CRACDL: variants seen among roughly 807,000 people sequenced by gnomAD.
CRACDL encodes CRACD like, also known as CRACD-like protein.
Under a neutral mutation model 70.6 loss-of-function variants are expected in CRACDL, and 26 were observed. That is an observed-to-expected ratio of 0.37 (90% confidence interval 0.27 to 0.51). The LOEUF (loss-of-function observed/expected upper bound fraction) is 0.51. Among genes scored for constraint, CRACDL ranks in the 20% least tolerant of loss-of-function variants. CRACDL has a pLI of 0.94. For synonymous variants in CRACDL, 618 were observed against 615.2 expected (o/e 1.00, Z -0.07); for missense variants, 1,283 against 1,376.9 (o/e 0.93, Z 1.08).
At chr2:98,864,129 A>G (rs1462416317) in intron 1 of CRACDL, among the ~76,000 whole-genome samples, 1 of 152,206 alleles carries the variant, frequency 6.6e-6, no homozygotes, top group Non-Finnish European at 1.5e-5. Flanking sequence ...AGCATTATTT[A>G]TATAATAATC....
chr2:98,826,086 C>T (rs1157181283), intron 6 of CRACDL, among the ~76,000 whole-genome samples: 2 of 152,156 alleles, frequency 1.3e-5, no homozygotes, highest in African/African-American at 2.4e-5. Flanking sequence ...TTACAGTGCC[C>T]GTCAGGTAGG....
intron 1 of CRACDL, among the ~76,000 whole-genome samples, chr2:98,927,232 C>T (rs527243412): frequency 3.3e-5 from 5 of 152,284 alleles, no homozygotes; most frequent in East Asian, 3.9e-4. Flanking sequence ...CTCCCTGGTG[C>T]GGGTGGACGG....
At chr2:98,869,245 C>G in intron 1 of CRACDL, 1 of 1,274,172 alleles carries the variant, frequency 7.8e-7, no homozygotes, top group Non-Finnish European at 1.0e-6. Context: ...TGATCAAGAG[C>G]CCTTGTCCCC....
chr2:98,822,581 G>C lies in CRACDL; in HGVS notation c.1692C>G (p.Gly564=), dbSNP rs771962678. 1.4e-6 allele frequency: 2 copies of C among 1,445,518 alleles called. No homozygotes were observed. Among genetic ancestry groups the C allele is most frequent in the Admixed American group, 2.7e-5 (1 of 37,656 alleles). The allele number at this position is 1,445,518 out of a possible 1,614,324, so 89.5% of individuals were successfully genotyped here. A position where few individuals can be genotyped will look rare whatever the true frequency, so the allele number is the denominator to read the frequency against. ...TCTTCGCGCCTCGCAGCTCGGCACC[G>C]CCCCTCTCCGCCTTCCGCTCTGGCG... ...RAAPERKAER[G]GAELRGAKKF... Residue 564 remains glycine, a synonymous_variant, in exon 7 of 10, where the codon GGC becomes GGG. Coordinates refer to ENST00000397899, the MANE Select transcript of CRACDL (RefSeq NM_207362.3). The surrounding 1 kb of genome is among the most constrained non-coding windows in gnomAD (Gnocchi z 4.9).
intron 7 of CRACDL, among the ~76,000 whole-genome samples, chr2:98,805,662 A>G (rs1470676555): frequency 1.3e-5 from 2 of 152,062 alleles, no homozygotes; most frequent in African/African-American, 4.8e-5. Context: ...ACACAGACTC[A>G]CTTTGCAGCC....
At chr2:98,934,287 G>A (rs781707525) in intron 1 of CRACDL, among the ~76,000 whole-genome samples, 38 of 145,338 alleles carry the variant, frequency 2.6e-4, no homozygotes, top group Admixed American at 8.0e-4. Flanking sequence ...CAACCTCTAC[G>A]TCCCTGGTTC....
At chr2:98,867,330 A>G (rs1707185791) in intron 1 of CRACDL, among the ~76,000 whole-genome samples, 1 of 152,200 alleles carries the variant, frequency 6.6e-6, no homozygotes, top group Admixed American at 6.5e-5. Context: ...ACAGCTATCC[A>G]ACACAGTGTA....
At chr2:98,848,676 T>G (rs750418175) in intron 1 of CRACDL, among the ~76,000 whole-genome samples, 1 of 152,206 alleles carries the variant, frequency 6.6e-6, no homozygotes, top group African/African-American at 2.4e-5. Context: ...CTCAACCTCC[T>G]GGGCTCAAGA....
At chr2:98,878,180 T>C (rs1707539332) in intron 1 of CRACDL, among the ~76,000 whole-genome samples, 1 of 152,144 alleles carries the variant, frequency 6.6e-6, no homozygotes, top group Non-Finnish European at 1.5e-5. Flanking sequence ...CTCCTGACCT[T>C]GGGTGATCCA....
chr2:98,922,778 A>G (rs1346770176), intron 1 of CRACDL, among the ~76,000 whole-genome samples: 1 of 152,210 alleles, frequency 6.6e-6, no homozygotes, highest in East Asian at 1.9e-4. Flanking sequence ...CAGGGAGGAT[A>G]GAGGGGCCTG....
At chr2:98,835,661 G>C (rs1446845870) in intron 3 of CRACDL, among the ~76,000 whole-genome samples, 1 of 152,110 alleles carries the variant, frequency 6.6e-6, no homozygotes, top group African/African-American at 2.4e-5. Flanking sequence ...GTTGCTAGGG[G>C]GCCACGTCAT....
chr2:98,887,196 G>T (rs1266804818), intron 1 of CRACDL, among the ~76,000 whole-genome samples: 3 of 152,142 alleles, frequency 2.0e-5, no homozygotes, highest in African/African-American at 7.2e-5. Flanking sequence ...AAATAACAAT[G>T]AAGAAAAATG....
intron 1 of CRACDL, among the ~76,000 whole-genome samples, chr2:98,906,076 C>T (rs975742140): frequency 2.0e-5 from 3 of 152,092 alleles, no homozygotes; most frequent in African/African-American, 7.2e-5. Flanking sequence ...ACGTGTTGGG[C>T]TATTTGATAT....
intron 1 of CRACDL, among the ~76,000 whole-genome samples, chr2:98,887,693 G>A (rs114280314): frequency 6.7e-4 from 102 of 152,038 alleles, no homozygotes; most frequent in African/African-American, 2.4e-3. Flanking sequence ...CAAAGAGATC[G>A]ACACCTAGAC....
intron 1 of CRACDL, among the ~76,000 whole-genome samples, chr2:98,916,432 A>C (rs1344275497): frequency 6.6e-6 from 1 of 152,184 alleles, no homozygotes; most frequent in Non-Finnish European, 1.5e-5. Context: ...AGGTATATAC[A>C]TATATCAAGA....
chr2:98,852,709 C>T (rs1294850656), intron 1 of CRACDL, among the ~76,000 whole-genome samples: 2 of 151,904 alleles, frequency 1.3e-5, no homozygotes, highest in African/African-American at 2.4e-5. Context: ...ATGGGCTTAA[C>T]AGCAGATTGA....
intron 7 of CRACDL, among the ~76,000 whole-genome samples, chr2:98,816,421 C>T (rs61402919): frequency 0.055 from 8,436 of 152,206 alleles, 266 homozygotes; most frequent in East Asian, 0.11. Context: ...ATAAAGATAT[C>T]TGTAATAATG....
At chr2:98,842,536 T>G (rs1265692436) in intron 2 of CRACDL, among the ~76,000 whole-genome samples, 2 of 152,194 alleles carry the variant, frequency 1.3e-5, no homozygotes, top group African/African-American at 4.8e-5. Flanking sequence ...GATACAGGAC[T>G]GTCCTCATGC....
intron 7 of CRACDL, among the ~76,000 whole-genome samples, chr2:98,811,963 T>C (rs1343090031): frequency 6.6e-6 from 1 of 152,188 alleles, no homozygotes; most frequent in Non-Finnish European, 1.5e-5. Context: ...TTTCCAGTTT[T>C]GGGTGATTAT....
Sources: gnomAD v4.1 joint callset for allele counts (sites outside exome capture counted in the v4.1 genomes callset) on GRCh38, gnomAD v4.1.1 for gene constraint, Gnocchi (gnomAD v3.1) non-coding constraint, MANE v1.5 for transcripts, NCBI Gene and HGNC (gene_info 2026-07-23, HGNC 2026-07-21) for gene names.